The following LNPEP variants were observed in gnomAD, a reference collection of about 807,000 sequenced individuals.
LNPEP encodes leucyl and cystinyl aminopeptidase, also known as leucyl-cystinyl aminopeptidase.
LNPEP carries 64 observed loss-of-function variants against 120.6 expected under a neutral mutation model. That is an observed-to-expected ratio of 0.53 (90% confidence interval 0.43 to 0.65). The LOEUF (loss-of-function observed/expected upper bound fraction) is 0.65, where lower values mean the gene tolerates loss of function less well. Among genes scored for constraint, LNPEP ranks in the 30% least tolerant of loss-of-function variants. LNPEP has a pLI of 0.00. For missense variants in LNPEP, 1,057 were observed against 1,200.0 expected (o/e 0.88, Z 1.76); for synonymous variants, 435 against 425.4 (o/e 1.02, Z -0.28).
rs1190715555 is a variant in LNPEP at position 97,033,721 on chromosome 5, A to C, written c.*5188A>C. 6.6e-6 allele frequency: 1 copy of C among 152,128 alleles called. No homozygotes were observed. Among genetic ancestry groups the C allele is most frequent in the African/African-American group, 2.4e-5 (1 of 41,414 alleles). 9.4% of individuals were successfully genotyped at this position (152,128 alleles called of 1,614,324 possible). A position where few individuals can be genotyped will look rare whatever the true frequency, so the allele number is the denominator to read the frequency against. The stretch of plus-strand genomic sequence containing the variant: ...CAGGTGTCTAAGAGAGTAGTTGATT[A>C]GCTTCAGGGATTCTTTGGTGGGTGT... On this transcript the variant is annotated 3_prime_UTR_variant, in exon 18 of 18. Transcript: ENST00000231368.
At chr5:96,970,025 G>T (rs989397052) in intron 1 of LNPEP, among the ~76,000 whole-genome samples, 5 of 151,256 alleles carry the variant, frequency 3.3e-5, no homozygotes, top group African/African-American at 1.2e-4. Context: ...TTTTTTAATT[G>T]TTTCCATTGT....
chr5:96,964,446 A>T (rs1789680360), intron 1 of LNPEP, among the ~76,000 whole-genome samples: 1 of 151,994 alleles, frequency 6.6e-6, no homozygotes, highest in Non-Finnish European at 1.5e-5. Flanking sequence ...ATCCAACTGG[A>T]TATTTATTTA....
intron 14 of LNPEP, among the ~76,000 whole-genome samples, chr5:97,023,726 A>G (rs1380474608): frequency 6.6e-6 from 1 of 152,060 alleles, no homozygotes; most frequent in Non-Finnish European, 1.5e-5. Flanking sequence ...CCTGCTTTCA[A>G]TTCTTTTGGA....
At chr5:96,984,829 C>G (rs1179544033) in intron 2 of LNPEP, among the ~76,000 whole-genome samples, 2 of 152,098 alleles carry the variant, frequency 1.3e-5, no homozygotes, top group African/African-American at 4.8e-5. Context: ...TGCATGTTTC[C>G]TTATAATATC....
At chr5:96,983,533 C>T (rs889524048) in intron 2 of LNPEP, among the ~76,000 whole-genome samples, 1 of 152,124 alleles carries the variant, frequency 6.6e-6, no homozygotes, top group African/African-American at 2.4e-5. Context: ...GCAGCCTCTG[C>T]CTCCCAGGTG....
At chr5:96,968,113 G>A (rs929347790) in intron 1 of LNPEP, among the ~76,000 whole-genome samples, 2 of 152,082 alleles carry the variant, frequency 1.3e-5, no homozygotes, top group Non-Finnish European at 2.9e-5. Flanking sequence ...AAATGTGAAA[G>A]ACTGTATAGG....
chr5:96,979,790 A>T lies in LNPEP; in HGVS notation c.672A>T (p.Ala224=). The change falls in exon 2 of 18, where the codon GCA becomes GCT. Residue 224 remains alanine, a synonymous_variant. Coordinates refer to ENST00000231368, the MANE Select transcript of LNPEP (RefSeq NM_005575.3). ...TTTCAAGAGTGACCTTTATGTCAGC[A>T]GTTTCAAGCCAAGAAAAACAAGCTG... ...HNISRVTFMS[A]VSSQEKQAEI... 6.2e-7 allele frequency: 1 copy of T among 1,614,054 alleles called. No individual in the cohort carries two copies.
At chr5:96,967,642 C>T (rs975083758) in intron 1 of LNPEP, among the ~76,000 whole-genome samples, 3 of 152,082 alleles carry the variant, frequency 2.0e-5, no homozygotes, top group African/African-American at 4.8e-5. Context: ...TCCAGCCCCA[C>T]AGCAGGTATT....
chr5:96,975,655 TA>T (rs149756614), intron 1 of LNPEP, among the ~76,000 whole-genome samples: 7,558 of 152,086 alleles, frequency 0.05, 274 homozygotes, highest in Middle Eastern at 0.12. Flanking sequence ...TTGTAGCATA[TA>T]AAAAAATTAA....
chr5:96,978,489 C>T (rs1234051722), intron 1 of LNPEP, among the ~76,000 whole-genome samples: 2 of 152,186 alleles, frequency 1.3e-5, no homozygotes, highest in Non-Finnish European at 2.9e-5. Flanking sequence ...TAATTTGCTG[C>T]TTCCCATTTG....
chr5:96,964,245 A>C (rs1247705076), intron 1 of LNPEP, among the ~76,000 whole-genome samples: 1 of 151,990 alleles, frequency 6.6e-6, no homozygotes, highest in African/African-American at 2.4e-5. Flanking sequence ...CAATTCTAAA[A>C]CATCCTAATA....
intron 1 of LNPEP, among the ~76,000 whole-genome samples, chr5:96,962,062 A>G (rs531605802): frequency 2.0e-5 from 3 of 152,180 alleles, no homozygotes; most frequent in Admixed American, 1.3e-4. Flanking sequence ...ACACATTTCT[A>G]TAATTGTTGG....
Position 96,979,118 on chromosome 5 carries a change from C to A in LNPEP, c.20-20C>A. On this transcript the variant is annotated intron_variant, in intron 1 of 17. Transcript: ENST00000231368. ...TTTTTTTCTAACTCTGTGCCTTGTT[C>A]TTATGTTTTGGTTTTTTAGATCGGC... is the stretch of plus-strand genomic sequence containing the variant. The A allele has an allele frequency of 6.4e-7, 1 of 1,562,022 alleles. No homozygotes were observed. The highest frequency in any genetic ancestry group is 1.2e-5 in the South Asian group (1 of 82,368).
At chr5:96,953,137 GA>G (rs1196322387) in intron 1 of LNPEP, among the ~76,000 whole-genome samples, 3 of 135,852 alleles carry the variant, frequency 2.2e-5, no homozygotes, top group Non-Finnish European at 5.0e-5. Flanking sequence ...ACTATACCTG[GA>G]ACAGATGGTT....
At position 96,979,883 on chromosome 5, in the gene LNPEP, C is replaced by T. The variant is rs750413024; in HGVS notation, c.765C>T (p.His255=). The change falls in exon 2 of 18, where the codon CAC becomes CAT. Residue 255 remains histidine, a synonymous_variant. Transcript: ENST00000231368. ...IVAPEALLAG[H]NYTLKIEYSA... is the part of the protein sequence containing the mutation. ...CCCCCGAAGCCCTTCTAGCAGGGCACAATTATACGTTGAAGATAGAGTACT... is the reference window on the plus strand; with the variant it reads ...CCCCCGAAGCCCTTCTAGCAGGGCATAATTATACGTTGAAGATAGAGTACT... 8.7e-6 allele frequency: 14 copies of T among 1,613,732 alleles called. No individual in the cohort carries two copies. Among genetic ancestry groups the T allele is most frequent in the Admixed American group, 1.7e-5 (1 of 59,970 alleles).
rs540834850 is a variant in LNPEP, at chr5:96,993,988, C to T, written c.1407+17C>T. ...GCCCACCAGGTATTAGCAACCAAGG[C>T]TGTTCTGTGTCACACCTGTGGTCTA... is the stretch of plus-strand genomic sequence containing the variant. On this transcript the variant is annotated intron_variant, in intron 6 of 17. Coordinates refer to ENST00000231368, the MANE Select transcript of LNPEP (RefSeq NM_005575.3). 6.2e-7 allele frequency: 1 copy of T among 1,611,422 alleles called. No homozygotes were observed. Among genetic ancestry groups the T allele is most frequent in the Admixed American group, 1.7e-5 (1 of 59,938 alleles).
rs1343177778 is a variant in LNPEP, at chr5:97,035,156, TTTAA to T, written c.*6626_*6629del. 6.6e-5 allele frequency: 10 copies of T among 152,056 alleles called. No homozygotes were observed. Among genetic ancestry groups the T allele is most frequent in the Non-Finnish European group, 1.0e-4 (7 of 67,976 alleles). 9.4% of individuals were successfully genotyped at this position (152,056 alleles called of 1,614,324 possible). On this transcript the variant is annotated 3_prime_UTR_variant, in exon 18 of 18. Transcript: ENST00000231368. ...GTTTCATATCTTGGGTTTTTTATTG[TTTAA>T]TTTTTTTTTATGGGGAGGGGTTCTT...
chr5:97,008,904 G>A (rs1292625198), intron 11 of LNPEP, among the ~76,000 whole-genome samples: 3 of 151,862 alleles, frequency 2.0e-5, no homozygotes, highest in South Asian at 2.1e-4. Context: ...CGCCCACCTC[G>A]GCCTCCCAAA....
intron 3 of LNPEP, among the ~76,000 whole-genome samples, chr5:96,986,208 C>G (rs1263041456): frequency 6.6e-6 from 1 of 152,112 alleles, no homozygotes; most frequent in East Asian, 1.9e-4. Flanking sequence ...GGAGCAATCC[C>G]AGGTCATAAG....
Sources: gnomAD v4.1 joint callset for allele counts (sites outside exome capture counted in the v4.1 genomes callset) on GRCh38, gnomAD v4.1.1 for gene constraint, MANE v1.5 for transcripts, NCBI Gene and HGNC (gene_info 2026-07-23, HGNC 2026-07-21) for gene names.